TP63: variants seen among roughly 807,000 people sequenced by gnomAD.
The protein encoded by TP63 is tumor protein p63.
In TP63, 17 loss-of-function variants were observed where a neutral mutation model predicts 82.8. The ratio of observed to expected loss-of-function variants is 0.21; its 90% confidence interval spans 0.14 to 0.31. The LOEUF is 0.31. TP63 is among the 10% of genes least tolerant of loss of function. The pLI is 1.00. For missense variants in TP63, 648 were observed against 895.3 expected (o/e 0.72, Z 3.52); for synonymous variants, 330 against 321.7 (o/e 1.03, Z -0.28).
intron 4 of TP63, among the ~76,000 whole-genome samples, chr3:189,811,622 A>T (rs2108646981): frequency 6.6e-6 from 1 of 152,310 alleles, no homozygotes; most frequent in African/African-American, 2.4e-5. Context: ...CCTCATGTTT[A>T]TACACAGACT....
intron 1 of TP63, 146 bp from the exon 2 acceptor site, chr3:189,737,594 G>T: frequency 9.8e-7 from 1 of 1,024,834 alleles, no homozygotes; most frequent in Non-Finnish European, 1.4e-6. Context: ...AATGCCAATT[G>T]TGCAACTTGT....
At chr3:189,852,764 G>C (rs188160591) in intron 4 of TP63, among the ~76,000 whole-genome samples, 1 of 152,036 alleles carries the variant, frequency 6.6e-6, no homozygotes, top group African/African-American at 2.4e-5. Context: ...AGTAGTTAAC[G>C]GTATCTTGTG....
chr3:189,674,061 G>C (rs1438460159), intron 1 of TP63, among the ~76,000 whole-genome samples: 4 of 152,064 alleles, frequency 2.6e-5, no homozygotes, highest in Non-Finnish European at 5.9e-5. Flanking sequence ...TTTCATAATG[G>C]TGAGAAATCC....
At chr3:189,883,428 C>G (rs1720135712) in intron 10 of TP63, among the ~76,000 whole-genome samples, 1 of 152,202 alleles carries the variant, frequency 6.6e-6, no homozygotes, top group Non-Finnish European at 1.5e-5. Context: ...TGTTCACCCT[C>G]ATTTCTGGGT....
intron 1 of TP63, among the ~76,000 whole-genome samples, chr3:189,721,086 G>A (rs901809704): frequency 2.6e-5 from 4 of 152,220 alleles, no homozygotes; most frequent in Non-Finnish European, 4.4e-5. Flanking sequence ...CAGAGATTTA[G>A]AGGCCTGATC....
intron 3 of TP63, chr3:189,789,623 T>G: frequency 1.5e-6 from 2 of 1,341,788 alleles, no homozygotes; most frequent in Non-Finnish European, 9.6e-7. Context: ...CTCATGCCTA[T>G]AGTTGGGTAT....
intron 4 of TP63, among the ~76,000 whole-genome samples, chr3:189,841,654 T>C (rs1714138385): frequency 6.6e-6 from 1 of 152,210 alleles, no homozygotes; most frequent in Non-Finnish European, 1.5e-5. Flanking sequence ...TCATAGAAAT[T>C]GAGCTGTGAG....
chr3:189,691,552 C>T (rs7618742), intron 1 of TP63, among the ~76,000 whole-genome samples: 24,457 of 151,926 alleles, frequency 0.16, 2,177 homozygotes, highest in Admixed American at 0.25. Flanking sequence ...GCTTCCCAAG[C>T]TGTGTCAACC....
At chr3:189,804,176 A>G (rs557651861) in intron 3 of TP63, among the ~76,000 whole-genome samples, 1 of 152,306 alleles carries the variant, frequency 6.6e-6, no homozygotes, top group South Asian at 2.1e-4. Context: ...TTGACTTGTC[A>G]TTGTCAGTAA....
chr3:189,604,254 C>A, the TP63 span, among the ~76,000 whole-genome samples: 1 of 152,122 alleles, frequency 6.6e-6, no homozygotes, highest in African/African-American at 2.4e-5. Context: ...AATAATTAAA[C>A]CTAGATTGCA....
the TP63 span, among the ~76,000 whole-genome samples, chr3:189,626,228 A>G: frequency 6.6e-6 from 1 of 152,176 alleles, no homozygotes; most frequent in East Asian, 1.9e-4. Context: ...CCTCCCCATG[A>G]CAGAACTTTG....
At chr3:189,873,187 A>C (rs1191752071) in intron 10 of TP63, 192 bp downstream of exon 10, 4 of 731,492 alleles carry the variant, frequency 5.5e-6, no homozygotes, top group Non-Finnish European at 9.3e-6. Flanking sequence ...CCTTCCCTTC[A>C]GAATTCCACT....
At chr3:189,777,259 C>T (rs112355483) in intron 3 of TP63, among the ~76,000 whole-genome samples, 5,495 of 152,108 alleles carry the variant, frequency 0.036, 334 homozygotes, top group African/African-American at 0.13. Flanking sequence ...AGCAATGGCA[C>T]GATCTCGGCT....
intron 4 of TP63, among the ~76,000 whole-genome samples, chr3:189,854,634 C>T (rs1306755301): frequency 6.6e-6 from 1 of 152,112 alleles, no homozygotes; most frequent in Non-Finnish European, 1.5e-5. Flanking sequence ...TAATTTTATG[C>T]CCTAAAAGCC....
At chr3:189,639,248 T>A (rs1240587556) in intron 1 of TP63, among the ~76,000 whole-genome samples, 1 of 152,126 alleles carries the variant, frequency 6.6e-6, no homozygotes, top group Admixed American at 6.6e-5. Flanking sequence ...CTTCCCAACC[T>A]CTGCAAGCCA....
At chr3:189,674,837 A>G (rs1715247965) in intron 1 of TP63, among the ~76,000 whole-genome samples, 1 of 152,160 alleles carries the variant, frequency 6.6e-6, no homozygotes, top group African/African-American at 2.4e-5. Context: ...GAAATGAGCT[A>G]AGGTGATAAT....
At chr3:189,738,618 A>G in intron 2 of TP63, 24 bp from the exon 3 acceptor site, 1 of 1,613,948 alleles carries the variant, frequency 6.2e-7, no homozygotes, top group South Asian at 1.1e-5. Flanking sequence ...TGCCTAACTC[A>G]CTTTTTTCTT....
At chr3:189,639,358 A>G (rs912440815) in intron 1 of TP63, among the ~76,000 whole-genome samples, 4 of 152,150 alleles carry the variant, frequency 2.6e-5, no homozygotes, top group Non-Finnish European at 5.9e-5. Context: ...TGTGTGTTTT[A>G]CCATAAACCA....
intron 11 of TP63, among the ~76,000 whole-genome samples, chr3:189,887,804 G>A (rs901383706): frequency 4.0e-5 from 6 of 151,686 alleles, no homozygotes; most frequent in Non-Finnish European, 7.4e-5. Context: ...GAAATCAGGG[G>A]AGGCTAGGAT....
Sources: allele counts gnomAD v4.1 joint callset (sites outside exome capture counted in the v4.1 genomes callset), GRCh38; gene constraint gnomAD v4.1.1; transcripts MANE v1.5; gene names NCBI Gene and HGNC (gene_info 2026-07-23, HGNC 2026-07-21).